RASGRF1: variants seen among roughly 807,000 people sequenced by gnomAD.
RASGRF1 encodes the protein ras-specific guanine nucleotide-releasing factor 1.
Under a neutral mutation model 138.7 loss-of-function variants are expected in RASGRF1, and 40 were observed. That is an observed-to-expected ratio of 0.29 (90% CI 0.22 to 0.38). The LOEUF is 0.38. Among genes scored for constraint, RASGRF1 ranks in the 10% least tolerant of loss-of-function variants. RASGRF1 has a pLI of 1.00. For synonymous variants in RASGRF1, 614 were observed against 663.2 expected, an observed-to-expected ratio of 0.93 and a Z score of 1.14; for missense variants, 1,108 against 1,650.4, an observed-to-expected ratio of 0.67 and a Z score of 5.69.
In RASGRF1 at chr15:79,001,754, A is replaced by G; in HGVS notation, c.2483T>C (p.Ile828Thr). ...SEVSMREESD[I>T]DQNQSDDGDT... ...ACCATCATCACTCTGGTTTTGATCAATATCTGACTCCTCTCTCATGGAGAC... is the reference window on the plus strand; with the variant it reads ...ACCATCATCACTCTGGTTTTGATCAGTATCTGACTCCTCTCTCATGGAGAC... Residue 828 changes from isoleucine to threonine, a missense_variant, in exon 16 of 27, where the codon ATT becomes ACT. By Grantham distance (89) the Ile-to-Thr change is moderately conservative. Transcript: ENST00000558480. The G allele has an allele frequency of 6.2e-7, 1 of 1,605,828 alleles. No individual in the cohort carries two copies. Among genetic ancestry groups the G allele is most frequent in the Non-Finnish European group, 8.5e-7 (1 of 1,174,000 alleles).
chr15:78,977,424 T>C (rs1402189027), intron 24 of RASGRF1, among the ~76,000 whole-genome samples: 1 of 152,008 alleles, frequency 6.6e-6, no homozygotes, highest in African/African-American at 2.4e-5. Context: ...AAGTAGTCTT[T>C]GAAAAACAAA....
chr15:79,005,007 T>C, intron 14 of RASGRF1: 1 of 985,580 alleles, frequency 1.0e-6, no homozygotes, highest in Non-Finnish European at 1.2e-6. Flanking sequence ...TGCAGGGCAC[T>C]GCTGCTGGGA....
chr15:79,089,271 A>C (rs2058020835), intron 1 of RASGRF1, among the ~76,000 whole-genome samples: 1 of 152,248 alleles, frequency 6.6e-6, no homozygotes, highest in Non-Finnish European at 1.5e-5. Context: ...TTTAGGATCC[A>C]CTATCATCTG....
rs142558192 is a variant in RASGRF1 at position 79,004,001 on chromosome 15, G to T, written c.2250C>A (p.Gly750=). The change falls in exon 15 of 27, where the codon GGC becomes GGA. Residue 750 remains glycine (G), a synonymous_variant. Coordinates refer to ENST00000558480, the MANE Select transcript of RASGRF1 (RefSeq NM_001145648.3). The stretch of plus-strand genomic sequence containing the variant: ...GGGCGGCCAGGTCCAGGGCCTTGCC[G>T]CCAGTGATGATGGGGATGTTCAGGG... ...KLSLNIPIIT[G]GKALDLAALS... is the part of the protein sequence containing the mutation. 6.2e-7 allele frequency: 1 copy of T among 1,614,146 alleles called. No individual in the cohort carries two copies. The highest frequency in any genetic ancestry group is 8.5e-7 in the Non-Finnish European group (1 of 1,180,018).
chr15:79,018,739 C>A (rs1391709327), intron 11 of RASGRF1, among the ~76,000 whole-genome samples: 1 of 152,204 alleles, frequency 6.6e-6, no homozygotes, highest in Non-Finnish European at 1.5e-5. Context: ...GGAGCCCATT[C>A]TCCTGGGACT....
chr15:78,966,234 T>TTC (rs1239527505), intron 26 of RASGRF1, among the ~76,000 whole-genome samples: 2 of 149,996 alleles, frequency 1.3e-5, no homozygotes, highest in East Asian at 3.9e-4. Context: ...AATTTTTTTT[T>TTC]TTTTTTTTTT....
At chr15:79,057,600 G>GT (rs1434392374) in intron 3 of RASGRF1, among the ~76,000 whole-genome samples, 1 of 152,216 alleles carries the variant, frequency 6.6e-6, no homozygotes, top group Non-Finnish European at 1.5e-5. Flanking sequence ...CTGTGCCAGG[G>GT]TTGATAGCTG....
intron 5 of RASGRF1, among the ~76,000 whole-genome samples, chr15:79,038,993 T>C (rs898424700): frequency 1.3e-5 from 2 of 152,204 alleles, no homozygotes; most frequent in African/African-American, 4.8e-5. Flanking sequence ...TAATCAAATA[T>C]ACCAGCTTTT....
intron 1 of RASGRF1, among the ~76,000 whole-genome samples, chr15:79,079,087 CAG>C (rs1171856746): frequency 6.6e-6 from 1 of 152,232 alleles, no homozygotes; most frequent in African/African-American, 2.4e-5. Flanking sequence ...GGGCCCATGT[CAG>C]TGTAGGCCTC....
chr15:78,973,287 G>GC lies in RASGRF1; in HGVS notation c.3612+15dup. 3 of 1,573,894 alleles carry GC rather than the reference G, an allele frequency of 1.9e-6. No individual in the cohort carries two copies. Among genetic ancestry groups the GC allele is most frequent in the African/African-American group, 1.4e-5 (1 of 73,900 alleles). On this transcript the variant is annotated intron_variant, in intron 25 of 26. Transcript: ENST00000558480. This position sits in a 1 kb window ranked among gnomAD's most constrained non-coding sequence, Gnocchi z 4.9. The stretch of plus-strand genomic sequence containing the variant: ...TTCAACGCCCCCCTTCCCCTGCCTG[G>GC]CTGGGGGGAACGCACCATCCTCATC...
chr15:78,991,150 G>T (rs1350686495), intron 21 of RASGRF1, among the ~76,000 whole-genome samples: 1 of 152,266 alleles, frequency 6.6e-6, no homozygotes, highest in Non-Finnish European at 1.5e-5. Context: ...AGAGAATGCT[G>T]TGTACTTATT....
intron 20 of RASGRF1, among the ~76,000 whole-genome samples, chr15:78,993,456 G>T (rs2056324902): frequency 6.6e-6 from 1 of 151,968 alleles, no homozygotes; most frequent in Non-Finnish European, 1.5e-5. Flanking sequence ...GGCAGGGAAG[G>T]GTGTGTAGAG....
chr15:79,012,717 C>G (rs1353737417), intron 13 of RASGRF1, among the ~76,000 whole-genome samples: 1 of 152,196 alleles, frequency 6.6e-6, no homozygotes, highest in African/African-American at 2.4e-5. Context: ...GAGTTTCACT[C>G]TGTCACCCAG....
At chr15:79,064,634 A>G in intron 1 of RASGRF1, 108 bp from the exon 2 acceptor site, 1 of 992,806 alleles carries the variant, frequency 1.0e-6, no homozygotes, top group Non-Finnish European at 1.6e-6. Context: ...CACATCAGCT[A>G]GGCACAGATT....
intron 2 of RASGRF1, among the ~76,000 whole-genome samples, chr15:79,058,819 A>T (rs1055660471): frequency 6.6e-6 from 1 of 152,190 alleles, no homozygotes; most frequent in African/African-American, 2.4e-5. Context: ...GTATAATAAG[A>T]TTTTGTGCTT....
At chr15:78,969,378 GTTTTGTCCAA>G (rs1480635294) in intron 26 of RASGRF1, among the ~76,000 whole-genome samples, 1 of 152,146 alleles carries the variant, frequency 6.6e-6, no homozygotes, top group African/African-American at 2.4e-5. Flanking sequence ...CTTTATTTCT[GTTTTGTCCAA>G]CATTGAAAAT....
chr15:79,004,239 G>A (rs2056619764), intron 14 of RASGRF1, 64 bp from the exon 15 acceptor site: 3 of 1,500,036 alleles, frequency 2.0e-6, no homozygotes, highest in Non-Finnish European at 2.7e-6. Context: ...CTAGGCCTGG[G>A]GGCCGTCTCC....
Position 79,058,341 on chromosome 15 carries a change from T to C in RASGRF1, c.524A>G (p.Lys175Arg). The stretch of plus-strand genomic sequence containing the variant: ...CCCCCAGCCCGCAGTCACCTCTGCC[T>C]TCAGCCGCTCGATCTCGATCTCCCC... ...EDGEIEIERLKAEITSLLKDN... is the reference protein window; with the variant it reads ...EDGEIEIERLRAEITSLLKDN... The change falls in exon 3 of 27, where the codon AAG becomes AGG. Residue 175 changes from lysine (K) to arginine (R), a missense_variant. Around this residue, in one of 3 missense-constraint regions of RASGRF1, gnomAD observed 253 missense variants for 329.5 expected, o/e 0.77. Transcript: ENST00000558480. The C allele has an allele frequency of 6.2e-7, 1 of 1,613,298 alleles. No individual in the cohort carries two copies. The highest frequency in any genetic ancestry group is 8.5e-7 in the Non-Finnish European group (1 of 1,179,984).
rs375377207 is a variant in RASGRF1 at position 79,032,096 on chromosome 15, C to T, written c.1152+27G>A. 71 of 1,605,826 alleles carry T rather than the reference C, an allele frequency of 4.4e-5. No individual in the cohort carries two copies. Among genetic ancestry groups the T allele is most frequent in the Non-Finnish European group, 5.7e-5 (67 of 1,175,644 alleles). ...CCCCACACCTGCCTCCCTGACTCTA[C>T]CCCACCCAGGCAGGGCCGGACGCCA... On this transcript the variant is annotated intron_variant, in intron 7 of 26. Coordinates refer to ENST00000558480, the MANE Select transcript of RASGRF1 (RefSeq NM_001145648.3). This position sits in a 1 kb window ranked among gnomAD's most constrained non-coding sequence, Gnocchi z 4.5.
Sources: allele counts gnomAD v4.1 joint callset (sites outside exome capture counted in the v4.1 genomes callset), GRCh38; gene constraint gnomAD v4.1.1; regional missense constraint gnomAD v4.1.1; non-coding constraint Gnocchi (gnomAD v3.1); transcripts MANE v1.5; gene names NCBI Gene and HGNC (gene_info 2026-07-23, HGNC 2026-07-21).